The following RARB variants were observed in gnomAD, a reference collection of about 807,000 sequenced individuals.
RARB encodes retinoic acid receptor beta.
In RARB, 17 loss-of-function variants were observed where a neutral mutation model predicts 51.9. The observed-to-expected ratio is 0.33, with a 90% CI of 0.22 to 0.49. RARB has a LOEUF of 0.49. Ranked by LOEUF, RARB falls within the 20% of genes least tolerant of loss-of-function variation. The pLI is 0.99. For missense variants in RARB, 369 were observed against 550.8 expected, an observed-to-expected ratio of 0.67 and a Z score of 3.30; for synonymous variants, 215 against 195.4, an observed-to-expected ratio of 1.10 and a Z score of -0.84.
intron 2 of RARB, among the ~76,000 whole-genome samples, chr3:25,489,933 C>T (rs1157315593): frequency 2.0e-5 from 3 of 152,248 alleles, no homozygotes; most frequent in East Asian, 1.9e-4. Context: ...CCTGGACTCA[C>T]CACAGCTTTT....
intron 3 of RARB, among the ~76,000 whole-genome samples, chr3:25,554,980 C>T (rs1699998993): frequency 6.6e-6 from 1 of 152,206 alleles, no homozygotes; most frequent in South Asian, 2.1e-4. Flanking sequence ...TAATCTACTC[C>T]TGATGGCAGA....
At chr3:25,423,989 C>G (rs1707924346), upstream of RARB, among the ~76,000 whole-genome samples, 2 of 152,076 alleles carry the variant, frequency 1.3e-5, no homozygotes, top group African/African-American at 4.8e-5. Context: ...CACAGAAGCA[C>G]TAAAGAAAAT....
intron 5 of RARB, among the ~76,000 whole-genome samples, chr3:25,367,241 A>G (rs1043727636): frequency 1.3e-5 from 2 of 152,120 alleles, no homozygotes; most frequent in African/African-American, 4.8e-5. Flanking sequence ...TTGGCAGACA[A>G]TTCCAGGCTA....
intron 3 of RARB, among the ~76,000 whole-genome samples, chr3:25,551,702 T>C (rs1312135024): frequency 6.6e-6 from 1 of 152,184 alleles, no homozygotes. Context: ...GGCTTGGGCA[T>C]GGATCTCATT....
chr3:25,189,331 G>A (rs1701045482), intron 5 of RARB, among the ~76,000 whole-genome samples: 1 of 152,044 alleles, frequency 6.6e-6, no homozygotes, highest in Non-Finnish European at 1.5e-5. Context: ...ATAGCCTTCG[G>A]GCAATTATCC....
chr3:25,315,963 A>G (rs1436077548), intron 5 of RARB, among the ~76,000 whole-genome samples: 2 of 152,154 alleles, frequency 1.3e-5, no homozygotes. Flanking sequence ...CAGATCGTCT[A>G]AAATATTTGT....
At chr3:25,226,749 GGCTGCTCTGT>G (rs1702064834) in intron 5 of RARB, among the ~76,000 whole-genome samples, 1 of 152,074 alleles carries the variant, frequency 6.6e-6, no homozygotes, top group African/African-American at 2.4e-5. Context: ...TTTCCTATCA[GGCTGCTCTGT>G]GAATCAAACA....
chr3:25,021,299 C>T (rs1697630651), intron 2 of RARB, among the ~76,000 whole-genome samples: 1 of 152,158 alleles, frequency 6.6e-6, no homozygotes. Flanking sequence ...TTATGTCAGT[C>T]AAGGATTTTT....
chr3:25,379,329 T>C (rs1307018881), intron 5 of RARB, among the ~76,000 whole-genome samples: 1 of 152,182 alleles, frequency 6.6e-6, no homozygotes, highest in Non-Finnish European at 1.5e-5. Flanking sequence ...CTTTCTACTA[T>C]TTCTTGAACA....
chr3:25,129,873 T>C (rs550042274), intron 3 of RARB, among the ~76,000 whole-genome samples: 1 of 152,052 alleles, frequency 6.6e-6, no homozygotes, highest in Non-Finnish European at 1.5e-5. Context: ...AGAAATTGTT[T>C]AGGAGTGTTT....
intron 5 of RARB, among the ~76,000 whole-genome samples, chr3:25,294,287 A>G (rs1703863379): frequency 6.6e-6 from 1 of 152,228 alleles, no homozygotes; most frequent in African/African-American, 2.4e-5. Flanking sequence ...GGAAAAGTCC[A>G]GGTTTTGAAG....
intron 1 of RARB, among the ~76,000 whole-genome samples, chr3:24,856,907 G>A (rs1702643695): frequency 6.6e-6 from 1 of 152,146 alleles, no homozygotes; most frequent in African/African-American, 2.4e-5. Context: ...GGGGCAGGGG[G>A]ATGGAGGAGT....
intron 2 of RARB, among the ~76,000 whole-genome samples, chr3:24,892,015 C>T (rs113993480): frequency 2.6e-5 from 4 of 152,096 alleles, no homozygotes; most frequent in South Asian, 2.1e-4. Flanking sequence ...ATACGGGTCC[C>T]GTGCCCACCC....
At chr3:25,456,810 T>C (rs1228023294) in intron 1 of RARB, among the ~76,000 whole-genome samples, 1 of 151,560 alleles carries the variant, frequency 6.6e-6, no homozygotes, top group Non-Finnish European at 1.5e-5. Flanking sequence ...CTTTCTGTTT[T>C]TGTGGCATTT....
intron 3 of RARB, among the ~76,000 whole-genome samples, chr3:25,556,268 G>A (rs1700054730): frequency 6.6e-6 from 1 of 152,196 alleles, no homozygotes; most frequent in Admixed American, 6.5e-5. Context: ...TTTATATTGA[G>A]AAACTGATAA....
At chr3:24,869,067 C>T (rs1341154251) in intron 2 of RARB, among the ~76,000 whole-genome samples, 1 of 152,132 alleles carries the variant, frequency 6.6e-6, no homozygotes, top group Admixed American at 6.6e-5. Context: ...GGACTCTTTT[C>T]ATCAACACCC....
intron 5 of RARB, among the ~76,000 whole-genome samples, chr3:25,390,111 G>T (rs1006515938): frequency 2.0e-5 from 3 of 152,102 alleles, no homozygotes; most frequent in African/African-American, 4.8e-5. Context: ...CTTAATCACC[G>T]ATATGATGAC....
chr3:25,522,858 G>A (rs749827037), intron 3 of RARB, among the ~76,000 whole-genome samples: 3 of 152,118 alleles, frequency 2.0e-5, no homozygotes, highest in Non-Finnish European at 4.4e-5. Context: ...GGTTCTGTCC[G>A]CAGAGAAGGA....
chr3:24,915,745 C>A (rs1695094366), intron 2 of RARB, among the ~76,000 whole-genome samples: 1 of 152,152 alleles, frequency 6.6e-6, no homozygotes, highest in African/African-American at 2.4e-5. Context: ...CCATGGTGAG[C>A]TCACCAAATA....
Sources: allele counts gnomAD v4.1 joint callset (sites outside exome capture counted in the v4.1 genomes callset), GRCh38; gene constraint gnomAD v4.1.1; transcripts MANE v1.5; gene names NCBI Gene and HGNC (gene_info 2026-07-23, HGNC 2026-07-21).